The following TESPA1 variants were observed in gnomAD, a reference collection of about 807,000 sequenced individuals.
TESPA1 encodes protein TESPA1.
Under a neutral mutation model 57.9 loss-of-function variants are expected in TESPA1, and 33 were observed. The observed-to-expected ratio is 0.57, with a 90% CI of 0.43 to 0.76. The LOEUF (loss-of-function observed/expected upper bound fraction) is 0.76, where lower values mean the gene tolerates loss of function less well. TESPA1 is among the 30% of genes least tolerant of loss of function. The pLI, the probability that TESPA1 is intolerant of heterozygous loss-of-function variation, is 0.00. For synonymous variants in TESPA1, 227 were observed against 228.9 expected (o/e 0.99, Z 0.07); for missense variants, 618 against 632.9 (o/e 0.98, Z 0.25).
At chr12:54,964,318 C>T (rs960243787) in intron 7 of TESPA1, among the ~76,000 whole-genome samples, 3 of 152,174 alleles carry the variant, frequency 2.0e-5, no homozygotes, top group South Asian at 4.1e-4. Flanking sequence ...ATTTGCCATC[C>T]GACTTGCCCC....
At chr12:54,966,922 A>G (rs1463238700) in intron 5 of TESPA1, among the ~76,000 whole-genome samples, 2 of 152,218 alleles carry the variant, frequency 1.3e-5, no homozygotes, top group African/African-American at 2.4e-5. Context: ...TAGTAATTTT[A>G]TATGTTATCA....
chr12:54,967,694 G>T, intron 4 of TESPA1, 149 bp downstream of exon 4: 1 of 929,324 alleles, frequency 1.1e-6, no homozygotes, highest in Non-Finnish European at 1.6e-6. Context: ...TTGTGACCAC[G>T]AATAGTGTTT....
At chr12:54,981,985 A>C (rs1341085275) in intron 1 of TESPA1, 1 of 152,328 alleles carries the variant, frequency 6.6e-6, no homozygotes, top group Non-Finnish European at 1.5e-5. Flanking sequence ...GTGTGGGAGG[A>C]GAGAAGAAGG....
intron 1 of TESPA1, among the ~76,000 whole-genome samples, chr12:54,983,767 G>A (rs1041861532): frequency 1.2e-4 from 19 of 152,156 alleles, no homozygotes; most frequent in African/African-American, 2.9e-4. Context: ...CCAGGGTGGA[G>A]GATCTTTCCA....
At position 54,961,221 on chromosome 12, in the gene TESPA1, C is replaced by T. The variant is rs1464571672; in HGVS notation, c.1514G>A (p.Ser505Asn). ...GTGGTGGTGGGGGTGCCTGGGTCTGCTGGGCCAGCGACTCTGACTCTGCTC... is the reference window on the plus strand; with the variant it reads ...GTGGTGGTGGGGGTGCCTGGGTCTGTTGGGCCAGCGACTCTGACTCTGCTC... The part of the protein sequence containing the change: ...EEEQSQSRWP[S>N]RPRHPHHHQT... The change falls in exon 10 of 11, where the codon AGC becomes AAC. Residue 505 changes from serine to asparagine, a missense_variant. Ser to Asn is a conservative substitution (Grantham distance 46, BLOSUM62 1). This residue lies in a region of TESPA1 where 409 missense variants were observed against 420.1 expected (regional missense o/e 0.97). Coordinates refer to ENST00000449076, the MANE Select transcript of TESPA1 (RefSeq NM_001136030.3). 6.2e-7 allele frequency: 1 copy of T among 1,613,938 alleles called. No homozygotes were observed.
At chr12:54,967,653 G>A (rs1290089640) in intron 4 of TESPA1, among the ~76,000 whole-genome samples, 190 bp downstream of exon 4, 2 of 152,104 alleles carry the variant, frequency 1.3e-5, no homozygotes, top group East Asian at 1.9e-4. Context: ...TGGGCTCTGA[G>A]CCAGCACTTT....
At chr12:54,979,799 C>T (rs985557778) in intron 1 of TESPA1, among the ~76,000 whole-genome samples, 4 of 152,142 alleles carry the variant, frequency 2.6e-5, no homozygotes, top group South Asian at 2.1e-4. Flanking sequence ...CGAAGAATAT[C>T]GCCTATTTCT....
chr12:54,971,947 C>A (rs571605829), intron 3 of TESPA1, among the ~76,000 whole-genome samples: 1 of 152,132 alleles, frequency 6.6e-6, no homozygotes, highest in Non-Finnish European at 1.5e-5. Flanking sequence ...ATAAAACTCA[C>A]CAGTCACTCA....
At chr12:54,980,286 C>T (rs1253904916) in intron 1 of TESPA1, among the ~76,000 whole-genome samples, 1 of 152,164 alleles carries the variant, frequency 6.6e-6, no homozygotes, top group East Asian at 1.9e-4. Context: ...GGAAGTGTTG[C>T]TTTGTTTGTG....
intron 10 of TESPA1, among the ~76,000 whole-genome samples, chr12:54,953,336 G>A (rs1337724723): frequency 2.0e-5 from 3 of 151,878 alleles, no homozygotes; most frequent in East Asian, 3.9e-4. Context: ...TCTCCCACTA[G>A]GCATAAGGTG....
At chr12:54,957,319 A>G (rs1532049) in intron 10 of TESPA1, among the ~76,000 whole-genome samples, 34,682 of 152,032 alleles carry the variant, frequency 0.23, 6,597 homozygotes, top group East Asian at 0.84. Flanking sequence ...TAATACCTGG[A>G]ACTTAAAACG....
At chr12:54,959,326 G>A (rs1426688970) in intron 10 of TESPA1, among the ~76,000 whole-genome samples, 1 of 152,188 alleles carries the variant, frequency 6.6e-6, no homozygotes, top group Non-Finnish European at 1.5e-5. Flanking sequence ...ATCCGGTTAG[G>A]TTTTTGGTAT....
rs1335632371 is a variant in TESPA1 at position 54,949,577 on chromosome 12, A to C, written c.*815T>G. The C allele has an allele frequency of 2.0e-5, 3 of 152,386 alleles. No homozygotes were observed. Among genetic ancestry groups the C allele is most frequent in the African/African-American group, 7.2e-5 (3 of 41,446 alleles). The allele number at this position is 152,386 out of a possible 1,614,324, so 9.4% of individuals were successfully genotyped here. ...CTCAAGCCCTGTTTATTGACAAAAC[A>C]TTTAACTTCCAAAGCAAACTACAGC... On this transcript the variant is annotated 3_prime_UTR_variant, in exon 11 of 11. Coordinates refer to ENST00000449076, the MANE Select transcript of TESPA1 (RefSeq NM_001136030.3).
chr12:54,983,267 G>A (rs1952388683), intron 1 of TESPA1, among the ~76,000 whole-genome samples: 1 of 152,110 alleles, frequency 6.6e-6, no homozygotes, highest in South Asian at 2.1e-4. Context: ...GTTGTAAATG[G>A]TTTCTAAACA....
intron 4 of TESPA1, 38 bp downstream of exon 4, chr12:54,967,805 A>C: frequency 3.1e-6 from 5 of 1,611,614 alleles, no homozygotes; most frequent in Non-Finnish European, 4.2e-6. Context: ...ATCACTCTCC[A>C]GGTAGAAGAA....
intron 10 of TESPA1, among the ~76,000 whole-genome samples, chr12:54,954,804 AT>A: frequency 6.6e-6 from 1 of 152,326 alleles, no homozygotes; most frequent in South Asian, 2.1e-4. Context: ...CACTGTATAT[AT>A]ATGTCTCATT....
chr12:54,961,345 T>C lies in TESPA1; in HGVS notation c.1468-78A>G, dbSNP rs1045984133. Reference sequence around the variant, plus strand: ...AGGAAAGGTGCAGGTGGCAGGTAGCTGTAGGGGAAGGAGGCTGAGTGTACT... The same window carrying C: ...AGGAAAGGTGCAGGTGGCAGGTAGCCGTAGGGGAAGGAGGCTGAGTGTACT... On this transcript the variant is annotated intron_variant, in intron 9 of 10. Coordinates refer to ENST00000449076, the MANE Select transcript of TESPA1 (RefSeq NM_001136030.3). The C allele has an allele frequency of 3.9e-6, 6 of 1,528,122 alleles. No homozygotes were observed. In the African/African-American group the frequency reaches 6.8e-5, roughly 17 times the overall value. 94.7% of individuals were successfully genotyped at this position (1,528,122 alleles called of 1,614,324 possible).
chr12:54,970,030 G>A (rs1010182388), intron 3 of TESPA1, among the ~76,000 whole-genome samples: 3 of 152,140 alleles, frequency 2.0e-5, no homozygotes, highest in Non-Finnish European at 4.4e-5. Flanking sequence ...AAGCCCAAGA[G>A]AGCCTCCTGC....
intron 10 of TESPA1, 130 bp from the exon 11 acceptor site, chr12:54,950,520 T>A: frequency 2.9e-6 from 1 of 346,802 alleles, no homozygotes; most frequent in South Asian, 2.2e-5. Flanking sequence ...TTAAAGTTAT[T>A]AGCAGCAGCA....
Sources: gnomAD v4.1 joint callset for allele counts (sites outside exome capture counted in the v4.1 genomes callset) on GRCh38, gnomAD v4.1.1 for gene constraint, gnomAD v4.1.1 regional missense constraint, MANE v1.5 for transcripts, NCBI Gene and HGNC (gene_info 2026-07-23, HGNC 2026-07-21) for gene names.